Variants in ASS1 observed in about 807,000 individuals in gnomAD.
ASS1 encodes argininosuccinate synthase 1.
Under a neutral mutation model 60.5 loss-of-function variants are expected in ASS1, and 58 were observed. That is an observed-to-expected ratio of 0.96 (90% CI 0.78 to 1.19). The LOEUF is 1.19. ASS1 is among the 50% of genes most tolerant of loss of function. The pLI is 0.00. For missense variants in ASS1, 454 were observed against 547.3 expected (o/e 0.83, Z 1.70); for synonymous variants, 200 against 206.9 (o/e 0.97, Z 0.29).
Position 130,491,136 on chromosome 9 carries a change from T to C in ASS1, c.970+1672T>C, listed in dbSNP as rs1187909295. On this transcript the variant is annotated intron_variant, in intron 12 of 14. Coordinates refer to ENST00000352480, the MANE Select transcript of ASS1 (RefSeq NM_054012.4). The surrounding 1 kb of genome is among the most constrained non-coding windows in gnomAD (Gnocchi z 5.3). ...GATGGTTATTGGCTGGCGTTATTTCTCCCTGCCATTGTTCCTTGCAGCTTT... is the reference window on the plus strand; with the variant it reads ...GATGGTTATTGGCTGGCGTTATTTCCCCCTGCCATTGTTCCTTGCAGCTTT... Among the ~76,000 whole-genome samples, 2 of 152,220 alleles carry C rather than the reference T, an allele frequency of 1.3e-5. No homozygotes were observed. The highest frequency in any genetic ancestry group is 2.9e-5 in the Non-Finnish European group (2 of 68,042).
chr9:130,457,851 G>T (rs888077830), intron 3 of ASS1, among the ~76,000 whole-genome samples: 1 of 152,212 alleles, frequency 6.6e-6, no homozygotes, highest in South Asian at 2.1e-4. Context: ...CAGTTTCACA[G>T]AACGGTGCAT....
chr9:130,451,950 G>A (rs1461426614), intron 1 of ASS1: 7 of 609,556 alleles, frequency 1.1e-5, no homozygotes, highest in African/African-American at 9.1e-5. Flanking sequence ...GGAGGATCAG[G>A]TCCAAGAGAT....
chr9:130,450,393 T>G, intron 1 of ASS1: 1 of 964,418 alleles, frequency 1.0e-6, no homozygotes, highest in Non-Finnish European at 1.2e-6. Context: ...CCATCCTGCA[T>G]GGCCAATTGC....
At chr9:130,497,487 G>GT (rs1215157718) in intron 13 of ASS1, among the ~76,000 whole-genome samples, 10 of 126,308 alleles carry the variant, frequency 7.9e-5, no homozygotes, top group African/African-American at 2.5e-4. Context: ...GTCAGGGGAG[G>GT]TAAAAAAAAA....
rs560102847 is a variant in ASS1, at chr9:130,461,780, C to T, written c.364-2331C>T. Among the ~76,000 whole-genome samples, 159 of 152,308 alleles carry T rather than the reference C, an allele frequency of 1.0e-3. 1 individual carries two copies. Among genetic ancestry groups the T allele is most frequent in the African/African-American group, 3.7e-3 (152 of 41,566 alleles). ...TGCTGGTCCAGCCTTCAGGCATTTA[C>T]CCCCTGAGTAACCACCCAGCACCAC... On this transcript the variant is annotated intron_variant, in intron 4 of 14. Coordinates refer to ENST00000352480, the MANE Select transcript of ASS1 (RefSeq NM_054012.4).
chr9:130,452,261 C>G lies in ASS1; in HGVS notation c.33C>G (p.Tyr11Ter). The change falls in exon 2 of 15, where the codon TAC (tyrosine) becomes TAG (stop). Residue 11 changes from tyrosine (Y) to a stop codon, truncating the protein, a stop_gained. Transcript: ENST00000352480. LOFTEE classifies it high-confidence loss of function. MSSKGSVVLA[Y>*]SGGLDTSCIL... ...GCAAAGGCTCCGTGGTTCTGGCCTA[C>G]AGTGGCGGCCTGGACACCTCGTGCA... The G allele has an allele frequency of 6.2e-7, 1 of 1,614,200 alleles. No individual in the cohort carries two copies. Among genetic ancestry groups the G allele is most frequent in the Non-Finnish European group, 8.5e-7 (1 of 1,180,028 alleles).
At chr9:130,458,709 C>T (rs1478873050) in intron 4 of ASS1, 120 bp downstream of exon 4, 1 of 1,373,010 alleles carries the variant, frequency 7.3e-7, no homozygotes, top group African/African-American at 1.4e-5. Flanking sequence ...TGCAAGGCAG[C>T]TACATGGCTT....
chr9:130,478,237 G>A lies in ASS1; in HGVS notation c.688+1276G>A, dbSNP rs781346679. On this transcript the variant is annotated intron_variant, in intron 9 of 14. Transcript: ENST00000352480. The surrounding 1 kb of genome is among the most constrained non-coding windows in gnomAD (Gnocchi z 4.7). ...GCCAAAGAGGACCCCAAAGGCAGCC[G>A]GGCCCCCAGGCCTGTTTGCAGGCAC... Among the ~76,000 whole-genome samples the A allele has an allele frequency of 1.3e-5, 2 of 152,188 alleles. No homozygotes were observed. Among genetic ancestry groups the A allele is most frequent in the Non-Finnish European group, 2.9e-5 (2 of 68,028 alleles).
chr9:130,445,510 T>G (rs1450007001), intron 1 of ASS1, among the ~76,000 whole-genome samples: 5 of 152,166 alleles, frequency 3.3e-5, no homozygotes, highest in Admixed American at 1.3e-4. Flanking sequence ...CAGCCTCAGT[T>G]TACCCTGGAC....
At position 130,489,268 on chromosome 9, in the gene ASS1, A is replaced by C. The variant is rs2118863903; in HGVS notation, c.839-65A>C. 6.3e-7 allele frequency: 1 copy of C among 1,586,256 alleles called. No individual in the cohort carries two copies. The highest frequency in any genetic ancestry group is 1.7e-5 in the Admixed American group (1 of 58,314). On this transcript the variant is annotated intron_variant, in intron 11 of 14. Transcript: ENST00000352480. This position sits in a 1 kb window ranked among gnomAD's most constrained non-coding sequence, Gnocchi z 4.1. The stretch of plus-strand genomic sequence containing the variant: ...TTATTTTTTTTTTTGTCATTTGCTG[A>C]CAGTTTGGGTTTCATGCGTTTCTCT...
chr9:130,448,682 G>C lies in ASS1; in HGVS notation c.-5-3542G>C, dbSNP rs564995271. Among the ~76,000 whole-genome samples the C allele has an allele frequency of 2.2e-4, 34 of 152,286 alleles. 1 individual carries two copies. In the South Asian group the frequency reaches 6.6e-3, roughly 30 times the overall value. ...AGGTTCAAGCGATTCTCGTGCCTCAGCCTCCCAAGTAGCTGGGACTACAGG... is the reference window on the plus strand; with the variant it reads ...AGGTTCAAGCGATTCTCGTGCCTCACCCTCCCAAGTAGCTGGGACTACAGG... On this transcript the variant is annotated intron_variant, in intron 1 of 14. Transcript: ENST00000352480.
intron 5 of ASS1, among the ~76,000 whole-genome samples, chr9:130,464,479 C>A (rs1564906566): frequency 6.6e-6 from 1 of 151,980 alleles, no homozygotes; most frequent in African/African-American, 2.4e-5. Flanking sequence ...GGCTCTGGCA[C>A]CCCAGGTGCG....
intron 8 of ASS1, among the ~76,000 whole-genome samples, chr9:130,472,422 A>G (rs750940518): frequency 3.9e-5 from 6 of 152,068 alleles, no homozygotes; most frequent in Non-Finnish European, 8.8e-5. Flanking sequence ...CATGGCAGCC[A>G]CCATGTCTGG....
chr9:130,469,109 G>T (rs1845813052), intron 6 of ASS1, among the ~76,000 whole-genome samples: 1 of 152,188 alleles, frequency 6.6e-6, no homozygotes, highest in South Asian at 2.1e-4. Context: ...GAGCCTGGCC[G>T]GCTGCTCTTC....
Position 130,501,122 on chromosome 9 carries a change from G to A in ASS1, c.*101G>A, listed in dbSNP as rs1846746249. On this transcript the variant is annotated 3_prime_UTR_variant, in exon 15 of 15. Coordinates refer to ENST00000352480, the MANE Select transcript of ASS1 (RefSeq NM_054012.4). ...TTTGTAATTGTGACTTGTTCTCCCCGGCTGGCAGCGTAGTGGGGCTGCCAG... is the reference window on the plus strand; with the variant it reads ...TTTGTAATTGTGACTTGTTCTCCCCAGCTGGCAGCGTAGTGGGGCTGCCAG... 2.2e-6 allele frequency: 3 copies of A among 1,359,366 alleles called. No individual in the cohort carries two copies. The highest frequency in any genetic ancestry group is 2.1e-6 in the Non-Finnish European group (2 of 964,656). The allele number at this position is 1,359,366 out of a possible 1,614,324, so 84.2% of individuals were successfully genotyped here.
intron 1 of ASS1, among the ~76,000 whole-genome samples, chr9:130,451,387 C>T (rs1487569532): frequency 6.6e-6 from 1 of 152,202 alleles, no homozygotes. Context: ...TGTCTATCGC[C>T]TTCCCTCCCT....
chr9:130,445,085 G>A, intron 1 of ASS1, 90 bp downstream of exon 1: 2 of 939,020 alleles, frequency 2.1e-6, no homozygotes, highest in East Asian at 1.2e-4. Flanking sequence ...GAAGACGCCC[G>A]CCCCGGGGCC....
At chr9:130,445,165 TC>T in intron 1 of ASS1, 170 bp downstream of exon 1, 2 of 985,194 alleles carry the variant, frequency 2.0e-6, no homozygotes, top group Non-Finnish European at 2.4e-6. Flanking sequence ...GGGAAGGGGC[TC>T]CCGATGCTCA....
chr9:130,497,867 G>A (rs768773238), intron 13 of ASS1, among the ~76,000 whole-genome samples: 2 of 152,220 alleles, frequency 1.3e-5, no homozygotes, highest in African/African-American at 2.4e-5. Context: ...GAGGTTGGTG[G>A]TCTAGTTTGG....
Sources: gnomAD v4.1 joint callset for allele counts (sites outside exome capture counted in the v4.1 genomes callset) on GRCh38, gnomAD v4.1.1 for gene constraint, Gnocchi (gnomAD v3.1) non-coding constraint, MANE v1.5 for transcripts, NCBI Gene and HGNC (gene_info 2026-07-23, HGNC 2026-07-21) for gene names.